Variants in SRGAP1 observed in about 807,000 individuals in gnomAD.
The protein encoded by SRGAP1 is SLIT-ROBO Rho GTPase activating protein 1.
SRGAP1 carries 43 observed loss-of-function variants against 121.9 expected under a neutral mutation model. The observed-to-expected ratio is 0.35, with a 90% confidence interval of 0.28 to 0.46. SRGAP1 has a LOEUF of 0.46. Ranked by LOEUF, SRGAP1 falls within the 20% of genes least tolerant of loss-of-function variation. SRGAP1 has a pLI of 1.00. For synonymous variants in SRGAP1, 447 were observed against 485.4 expected (o/e 0.92, Z 1.04); for missense variants, 1,102 against 1,350.9 (o/e 0.82, Z 2.89).
intron 8 of SRGAP1, among the ~76,000 whole-genome samples, chr12:64,071,436 T>C (rs930722828): frequency 1.3e-5 from 2 of 152,220 alleles, no homozygotes; most frequent in African/African-American, 4.8e-5. Flanking sequence ...GATAATTTGC[T>C]GTGTTTCAGG....
At chr12:63,882,576 G>A (rs767288495) in intron 1 of SRGAP1, among the ~76,000 whole-genome samples, 7 of 152,202 alleles carry the variant, frequency 4.6e-5, no homozygotes, top group East Asian at 1.9e-4. Flanking sequence ...GAACTACCAC[G>A]CCCGGCCCTA....
chr12:63,986,661 G>T (rs1315824523), intron 2 of SRGAP1, among the ~76,000 whole-genome samples: 1 of 152,184 alleles, frequency 6.6e-6, no homozygotes, highest in African/African-American at 2.4e-5. Context: ...GACCTCAAGT[G>T]ATCCGCCTGC....
chr12:64,020,069 GAC>G (rs1480438951), intron 4 of SRGAP1, among the ~76,000 whole-genome samples: 1 of 152,136 alleles, frequency 6.6e-6, no homozygotes, highest in Non-Finnish European at 1.5e-5. Context: ...TGTGGTGGGT[GAC>G]AGCCTTATGT....
At chr12:64,008,241 C>T (rs1414073942) in intron 3 of SRGAP1, among the ~76,000 whole-genome samples, 3 of 152,130 alleles carry the variant, frequency 2.0e-5, no homozygotes, top group Non-Finnish European at 4.4e-5. Context: ...GGGGGTTTTC[C>T]CCCTTAAAGT....
chr12:63,950,928 T>A (rs2032269718), intron 1 of SRGAP1, among the ~76,000 whole-genome samples: 1 of 151,102 alleles, frequency 6.6e-6, no homozygotes, highest in Admixed American at 6.6e-5. Context: ...TGCCCCACAT[T>A]AGTGTTTTCT....
intron 15 of SRGAP1, among the ~76,000 whole-genome samples, chr12:64,101,308 G>GT (rs1555174256): frequency 7.5e-4 from 103 of 138,098 alleles, no homozygotes; most frequent in African/African-American, 2.7e-3. Flanking sequence ...TGGGGAAAGG[G>GT]GTGTGTGTGT....
intron 6 of SRGAP1, among the ~76,000 whole-genome samples, chr12:64,056,031 C>T (rs1447079072): frequency 7.3e-5 from 11 of 149,810 alleles, no homozygotes; most frequent in African/African-American, 2.0e-4. Flanking sequence ...TATATCCATT[C>T]GCCCTACTGT....
chr12:63,983,668 G>T (rs1593003970), intron 1 of SRGAP1: 2 of 151,854 alleles, frequency 1.3e-5, no homozygotes, highest in Middle Eastern at 6.8e-3. Context: ...TACTCAGGAG[G>T]CTGAGGCAGG....
At chr12:63,969,123 T>G (rs2032865647) in intron 1 of SRGAP1, among the ~76,000 whole-genome samples, 1 of 152,160 alleles carries the variant, frequency 6.6e-6, no homozygotes, top group African/African-American at 2.4e-5. Context: ...CTCCACCTGT[T>G]TTTAGGTGCC....
intron 4 of SRGAP1, among the ~76,000 whole-genome samples, chr12:64,025,178 T>G (rs1312282649): frequency 6.6e-6 from 1 of 152,096 alleles, no homozygotes; most frequent in Non-Finnish European, 1.5e-5. Flanking sequence ...GCTAATTATT[T>G]TTTAGAGGGA....
intron 3 of SRGAP1, among the ~76,000 whole-genome samples, chr12:64,001,915 T>C (rs1290327538): frequency 6.6e-6 from 1 of 152,212 alleles, no homozygotes; most frequent in African/African-American, 2.4e-5. Context: ...CCACCATGCC[T>C]TTCCCACTGA....
intron 1 of SRGAP1, among the ~76,000 whole-genome samples, chr12:63,954,210 T>C (rs1245230895): frequency 6.6e-6 from 1 of 152,216 alleles, no homozygotes; most frequent in East Asian, 1.9e-4. Flanking sequence ...TTTATATAAC[T>C]CTATTAGGAA....
At chr12:64,045,939 A>T (rs1340367237) in intron 6 of SRGAP1, among the ~76,000 whole-genome samples, 1 of 152,202 alleles carries the variant, frequency 6.6e-6, no homozygotes, top group East Asian at 1.9e-4. Flanking sequence ...ATGTATACAC[A>T]CACACATATA....
intron 12 of SRGAP1, chr12:64,091,911 G>A (rs763317209): frequency 2.7e-5 from 41 of 1,535,634 alleles, no homozygotes; most frequent in East Asian, 7.3e-5. Context: ...GAAGAAACTC[G>A]CACACAAGAC....
chr12:64,057,910 C>T (rs979863487), intron 6 of SRGAP1, among the ~76,000 whole-genome samples: 20 of 152,194 alleles, frequency 1.3e-4, no homozygotes, highest in Admixed American at 9.2e-4. Context: ...CCCTGGTGAA[C>T]GACTGTGGCT....
chr12:63,896,463 C>A (rs1178852857), intron 1 of SRGAP1, among the ~76,000 whole-genome samples: 2 of 152,130 alleles, frequency 1.3e-5, no homozygotes, highest in African/African-American at 4.8e-5. Flanking sequence ...TGCACAGGGT[C>A]TCAAAGGCAA....
intron 8 of SRGAP1, among the ~76,000 whole-genome samples, chr12:64,074,019 A>G (rs537753666): frequency 6.6e-6 from 1 of 152,292 alleles, no homozygotes; most frequent in African/African-American, 2.4e-5. Flanking sequence ...GAAGAACATT[A>G]TATATTTTTC....
intron 18 of SRGAP1, among the ~76,000 whole-genome samples, chr12:64,118,830 G>A (rs531977855): frequency 6.6e-6 from 1 of 151,388 alleles, no homozygotes; most frequent in African/African-American, 2.4e-5. Flanking sequence ...CAAGTGATTC[G>A]CCTGCCTCAG....
chr12:63,956,818 G>C (rs573818721), intron 1 of SRGAP1, among the ~76,000 whole-genome samples: 1 of 148,118 alleles, frequency 6.8e-6, no homozygotes, highest in South Asian at 2.1e-4. Flanking sequence ...TATATTCAGA[G>C]CTGTGCAACA....
Sources: gnomAD v4.1 joint callset for allele counts (sites outside exome capture counted in the v4.1 genomes callset) on GRCh38, gnomAD v4.1.1 for gene constraint, MANE v1.5 for transcripts, NCBI Gene and HGNC (gene_info 2026-07-23, HGNC 2026-07-21) for gene names.